The following ANO10 variants were observed in gnomAD, a reference collection of about 807,000 sequenced individuals.
The protein encoded by ANO10 is anoctamin 10, also known as anoctamin-10.
A neutral mutation model predicts 74.7 loss-of-function variants in ANO10; 77 were observed. The ratio of observed to expected loss-of-function variants is 1.03; its 90% CI spans 0.86 to 1.25. The LOEUF is 1.25. Among genes scored for constraint, ANO10 ranks in the 50% most tolerant of loss-of-function variants. The probability of loss-of-function intolerance (pLI) is 0.00; values close to 1 mark genes in which losing one functional copy is unlikely to be tolerated. For synonymous variants in ANO10, 279 were observed against 284.9 expected (o/e 0.98, Z 0.21); for missense variants, 721 against 778.1 (o/e 0.93, Z 0.87).
intron 1 of ANO10, among the ~76,000 whole-genome samples, chr3:43,664,384 G>A (rs190704580): frequency 7.2e-4 from 110 of 152,088 alleles, no homozygotes; most frequent in Admixed American, 1.2e-3. Flanking sequence ...ATCAACTCAA[G>A]ATGGATCAAA....
intron 12 of ANO10, among the ~76,000 whole-genome samples, chr3:43,378,752 T>A (rs1005166743): frequency 1.3e-5 from 2 of 152,160 alleles, no homozygotes; most frequent in Non-Finnish European, 2.9e-5. Context: ...TTGCAGGCAC[T>A]AGGCACCCCT....
chr3:43,394,039 TAA>T (rs538682720), intron 12 of ANO10, among the ~76,000 whole-genome samples: 50 of 152,254 alleles, frequency 3.3e-4, no homozygotes, highest in Admixed American at 3.0e-3. Flanking sequence ...CAGGGTATCA[TAA>T]CTTTTTTTTT....
rs1331871415 is a variant in ANO10 at position 43,648,696 on chromosome 3, A to G, written c.-12+42821T>C. On this transcript the variant is annotated intron_variant, in intron 1 of 3. Coordinates refer to the ANO10 transcript ENST00000413397. Reference sequence around the variant, plus strand: ...CGCTTTTTTTTTTTTTTTTTTTTTAAGATGGAGTCTGGCTCTGTCGCCCAG... The same window carrying G: ...CGCTTTTTTTTTTTTTTTTTTTTTAGGATGGAGTCTGGCTCTGTCGCCCAG... 2.6e-5 allele frequency among the ~76,000 whole-genome samples: 3 copies of G among 115,810 alleles called. No homozygotes were observed. In the East Asian group the frequency reaches 7.5e-4, roughly 29 times the overall value. The allele number at this position is 115,810 out of a possible 152,430, so 76.0% of individuals were successfully genotyped here.
At chr3:43,597,060 T>C (rs1204933400) in intron 4 of ANO10, among the ~76,000 whole-genome samples, 2 of 152,076 alleles carry the variant, frequency 1.3e-5, no homozygotes, top group Non-Finnish European at 2.9e-5. Context: ...AAAACCACAA[T>C]GAGATACCAT....
At chr3:43,406,392 G>A (rs923832018) in intron 12 of ANO10, among the ~76,000 whole-genome samples, 2 of 152,124 alleles carry the variant, frequency 1.3e-5, no homozygotes, top group Non-Finnish European at 2.9e-5. Context: ...ATATCATGAC[G>A]ACATTTTTTA....
intron 11 of ANO10, among the ~76,000 whole-genome samples, chr3:43,532,427 A>G (rs2078511931): frequency 1.3e-5 from 2 of 152,206 alleles, no homozygotes; most frequent in Admixed American, 1.3e-4. Flanking sequence ...AAATAATCTG[A>G]CTAGGTCATT....
At chr3:43,584,477 G>C (rs191235072) in intron 4 of ANO10, among the ~76,000 whole-genome samples, 1 of 152,192 alleles carries the variant, frequency 6.6e-6, no homozygotes, top group Non-Finnish European at 1.5e-5. Context: ...ACGCAGCTGT[G>C]TATGGGAGCC....
At chr3:43,633,677 A>G (rs1430555872) in intron 1 of ANO10, among the ~76,000 whole-genome samples, 1 of 152,224 alleles carries the variant, frequency 6.6e-6, no homozygotes, top group Non-Finnish European at 1.5e-5. Flanking sequence ...ATTTTACCAC[A>G]TGTATGAGCT....
In ANO10 at chr3:43,522,932, T is replaced by C. The variant is rs1037609180; in HGVS notation, c.1797+26788A>G. Reference sequence around the variant, plus strand: ...GTTCAAAGTTTAGGGTAAAAAATTATTACTGGCTCAATATAGATCATGTGC... The same window carrying C: ...GTTCAAAGTTTAGGGTAAAAAATTACTACTGGCTCAATATAGATCATGTGC... On this transcript the variant is annotated intron_variant, in intron 11 of 12. Coordinates refer to ENST00000292246, the MANE Select transcript of ANO10 (RefSeq NM_018075.5). Among the ~76,000 whole-genome samples, 4 of 152,164 alleles carry C rather than the reference T, an allele frequency of 2.6e-5. No individual in the cohort carries two copies. The East Asian group carries it at 7.7e-4, about 29-fold the overall frequency.
intron 4 of ANO10, among the ~76,000 whole-genome samples, chr3:43,591,850 A>G (rs1253475125): frequency 6.6e-6 from 1 of 152,232 alleles, no homozygotes; most frequent in African/African-American, 2.4e-5. Flanking sequence ...TTTCCTAGCC[A>G]AGGGAAGCCG....
chr3:43,611,534 C>G (rs189273165), intron 1 of ANO10, among the ~76,000 whole-genome samples: 34 of 152,250 alleles, frequency 2.2e-4, no homozygotes, highest in Middle Eastern at 6.8e-3. Flanking sequence ...GACATAAATT[C>G]AAATTCAATT....
At position 43,580,480 on chromosome 3, in the gene ANO10, G is replaced by A; in HGVS notation, c.473-8C>T. ...ACGTGAGCAATCTTCTCACTGCACA[G>A]GGAAAATGTGCCAAACTGCATGAAA... On this transcript the variant is annotated splice_region_variant and splice_polypyrimidine_tract_variant and intron_variant, in intron 4 of 12. Transcript: ENST00000292246. The A allele has an allele frequency of 7.4e-6, 12 of 1,613,040 alleles. No individual in the cohort carries two copies. Among genetic ancestry groups the A allele is most frequent in the Non-Finnish European group, 1.0e-5 (12 of 1,179,830 alleles).
At chr3:43,438,608 G>A (rs924898962) in intron 11 of ANO10, among the ~76,000 whole-genome samples, 11 of 152,102 alleles carry the variant, frequency 7.2e-5, no homozygotes, top group South Asian at 2.1e-4. Context: ...TTAGCTGGGC[G>A]TGGTGGCAGC....
At chr3:43,420,316 C>T (rs1361873648) in intron 12 of ANO10, among the ~76,000 whole-genome samples, 2 of 151,990 alleles carry the variant, frequency 1.3e-5, no homozygotes, top group African/African-American at 2.4e-5. Flanking sequence ...CATGGTGGCG[C>T]ACACCTGTAG....
At chr3:43,395,189 C>T (rs1057171999) in intron 12 of ANO10, among the ~76,000 whole-genome samples, 1 of 151,988 alleles carries the variant, frequency 6.6e-6, no homozygotes, top group Non-Finnish European at 1.5e-5. Context: ...TCAGAGGACC[C>T]TAGGAAAGTT....
intron 11 of ANO10, among the ~76,000 whole-genome samples, chr3:43,527,711 G>A (rs543747986): frequency 9.2e-5 from 14 of 152,268 alleles, no homozygotes; most frequent in South Asian, 2.1e-4. Context: ...CACCTAAGTG[G>A]CAAGTCAAGT....
chr3:43,565,974 G>T (rs908565355), intron 7 of ANO10, among the ~76,000 whole-genome samples: 4 of 152,152 alleles, frequency 2.6e-5, no homozygotes, highest in African/African-American at 9.7e-5. Flanking sequence ...GTCAGTGGGT[G>T]CGCGCACCGT....
chr3:43,537,006 A>AG (rs1354397774), intron 11 of ANO10, among the ~76,000 whole-genome samples: 6 of 150,936 alleles, frequency 4.0e-5, no homozygotes, highest in Non-Finnish European at 8.9e-5. Flanking sequence ...AAAAAAAAAA[A>AG]AAAAAAAAAA....
chr3:43,420,999 C>T (rs2092811519), intron 12 of ANO10, among the ~76,000 whole-genome samples: 1 of 150,718 alleles, frequency 6.6e-6, no homozygotes, highest in African/African-American at 2.4e-5. Context: ...AAAATGGATG[C>T]ATCACTTGAG....
Sources: gnomAD v4.1 joint callset for allele counts (sites outside exome capture counted in the v4.1 genomes callset) on GRCh38, gnomAD v4.1.1 for gene constraint, MANE v1.5 for transcripts, NCBI Gene and HGNC (gene_info 2026-07-23, HGNC 2026-07-21) for gene names.